Variants in DLG2 observed in about 807,000 individuals in gnomAD.
The protein encoded by DLG2 is discs large MAGUK scaffold protein 2.
DLG2 carries 45 observed loss-of-function variants against 132.5 expected under a neutral mutation model. The ratio of observed to expected loss-of-function variants is 0.34; its 90% CI spans 0.27 to 0.44. DLG2 has a LOEUF of 0.44. Ranked by LOEUF, DLG2 falls within the 20% of genes least tolerant of loss-of-function variation. The pLI is 1.00. For missense variants in DLG2, 1,045 were observed against 1,196.9 expected, an observed-to-expected ratio of 0.87 and a Z score of 1.87; for synonymous variants, 424 against 419.6, an observed-to-expected ratio of 1.01 and a Z score of -0.13.
intron 6 of DLG2, among the ~76,000 whole-genome samples, chr11:84,983,579 A>C (rs1024768418): frequency 3.9e-5 from 6 of 152,192 alleles, no homozygotes; most frequent in Non-Finnish European, 8.8e-5. Context: ...GATATGAAAA[A>C]ACAAGGTTCT....
At chr11:84,754,472 T>G (rs1049851765) in intron 6 of DLG2, among the ~76,000 whole-genome samples, 1 of 152,060 alleles carries the variant, frequency 6.6e-6, no homozygotes, top group African/African-American at 2.4e-5. Context: ...CAATTATATA[T>G]TGTGCATTGG....
chr11:85,001,308 C>G (rs377288375), intron 6 of DLG2, among the ~76,000 whole-genome samples: 1 of 152,018 alleles, frequency 6.6e-6, no homozygotes, highest in Non-Finnish European at 1.5e-5. Flanking sequence ...ATGTTGCCCA[C>G]ACTGGTTTTG....
intron 17 of DLG2, among the ~76,000 whole-genome samples, chr11:83,797,245 A>AGAT (rs1163361692): frequency 7.8e-4 from 118 of 150,906 alleles, no homozygotes; most frequent in South Asian, 2.3e-3. Flanking sequence ...AAGAAGAAGA[A>AGAT]GATGATGATG....
intron 3 of DLG2, among the ~76,000 whole-genome samples, chr11:85,542,493 A>G (rs2076034857): frequency 6.6e-6 from 1 of 152,210 alleles, no homozygotes; most frequent in African/African-American, 2.4e-5. Flanking sequence ...ATTTAGGAGT[A>G]AGGCTTCATC....
intron 6 of DLG2, among the ~76,000 whole-genome samples, chr11:85,107,855 AC>A (rs1179333076): frequency 6.7e-6 from 1 of 149,164 alleles, no homozygotes; most frequent in Non-Finnish European, 1.5e-5. Context: ...TAAATAATTA[AC>A]GGGGAGTATA....
intron 18 of DLG2, among the ~76,000 whole-genome samples, chr11:83,657,534 C>CTTTTTTTTT (rs540422330): frequency 3.7e-4 from 35 of 93,378 alleles, no homozygotes; most frequent in African/African-American, 6.5e-4. Context: ...ATTGTCTATT[C>CTTTTTTTTT]TTTTTTTTTT....
intron 3 of DLG2, among the ~76,000 whole-genome samples, chr11:85,447,401 T>A (rs967128772): frequency 1.3e-5 from 2 of 152,078 alleles, no homozygotes; most frequent in Non-Finnish European, 2.9e-5. Flanking sequence ...AATGAGGTAA[T>A]TAGGGTGGAA....
At chr11:84,069,167 G>A (rs991741052) in intron 10 of DLG2, among the ~76,000 whole-genome samples, 8 of 152,150 alleles carry the variant, frequency 5.3e-5, no homozygotes, top group East Asian at 1.9e-4. Flanking sequence ...TTTCTAACAC[G>A]TTCCTAGGTG....
intron 18 of DLG2, among the ~76,000 whole-genome samples, chr11:83,693,419 A>G (rs2081327266): frequency 1.3e-5 from 2 of 152,132 alleles, no homozygotes; most frequent in Non-Finnish European, 2.9e-5. Context: ...GGAAGGGCCA[A>G]ATGAACAGCA....
chr11:84,248,071 T>C (rs1263604501), intron 8 of DLG2, among the ~76,000 whole-genome samples: 1 of 152,028 alleles, frequency 6.6e-6, no homozygotes. Context: ...GAAAACAAAG[T>C]ATAGAACACT....
intron 2 of DLG2, among the ~76,000 whole-genome samples, chr11:85,622,717 G>A (rs1301548181): frequency 6.6e-6 from 1 of 151,966 alleles, no homozygotes; most frequent in Non-Finnish European, 1.5e-5. Flanking sequence ...CCAGGAAACT[G>A]TAATCTCAGT....
chr11:83,488,139 T>G (rs1424911998), intron 21 of DLG2, among the ~76,000 whole-genome samples: 1 of 152,036 alleles, frequency 6.6e-6, no homozygotes, highest in African/African-American at 2.4e-5. Flanking sequence ...TAGTATGGAC[T>G]GAGAAGAAAC....
rs60170305 is a variant in DLG2, at chr11:84,527,893, T to TTCTCTCTCTCTC, written c.519+6665_519+6676dup. On this transcript the variant is annotated intron_variant, in intron 7 of 27. Transcript: ENST00000376104. ...GAGGACAGCAGTTAACTCCCTCCCT[T>TTCTCTCTCTCTC]TCTCTCTCTCTCTCTCTCTCTCTCT... 1.9e-3 allele frequency among the ~76,000 whole-genome samples: 244 copies of TTCTCTCTCTCTC among 125,660 alleles called. 11 individuals are homozygous for TTCTCTCTCTCTC. Among genetic ancestry groups the TTCTCTCTCTCTC allele is most frequent in the East Asian group, 8.1e-3 (32 of 3,944 alleles). The allele number at this position is 125,660 out of a possible 152,430, so 82.4% of individuals were successfully genotyped here.
At chr11:85,305,209 C>T (rs150392128) in intron 3 of DLG2, among the ~76,000 whole-genome samples, 2 of 152,306 alleles carry the variant, frequency 1.3e-5, no homozygotes, top group South Asian at 2.1e-4. Context: ...GAATAAAGAG[C>T]GGTACTCTTT....
intron 3 of DLG2, among the ~76,000 whole-genome samples, chr11:85,437,699 A>G (rs550930926): frequency 1.2e-3 from 180 of 152,330 alleles, no homozygotes; most frequent in Non-Finnish European, 1.9e-3. Context: ...TTGTTTTTTA[A>G]CTAGTGCCAA....
At chr11:85,479,202 A>C (rs1445075774) in intron 3 of DLG2, among the ~76,000 whole-genome samples, 1 of 152,240 alleles carries the variant, frequency 6.6e-6, no homozygotes, top group Admixed American at 6.5e-5. Context: ...ACTCTGACTT[A>C]TGAACAATAA....
chr11:85,001,636 G>C (rs1006298990), intron 6 of DLG2, among the ~76,000 whole-genome samples: 17 of 152,086 alleles, frequency 1.1e-4, no homozygotes, highest in Non-Finnish European at 2.1e-4. Flanking sequence ...AGAGCACAGA[G>C]GATTTTTTAA....
intron 14 of DLG2, among the ~76,000 whole-genome samples, chr11:83,942,769 G>C (rs1471588668): frequency 6.6e-6 from 1 of 152,142 alleles, no homozygotes; most frequent in Non-Finnish European, 1.5e-5. Flanking sequence ...TACCCCATAA[G>C]GGGATAGATC....
chr11:84,639,959 T>G (rs939712490), intron 6 of DLG2: 10 of 197,428 alleles, frequency 5.1e-5, no homozygotes, highest in African/African-American at 2.2e-4. Context: ...ATTCTAAAAT[T>G]TTTGCTTCAC....
Sources: allele counts gnomAD v4.1 joint callset (sites outside exome capture counted in the v4.1 genomes callset), GRCh38; gene constraint gnomAD v4.1.1; transcripts MANE v1.5; gene names NCBI Gene and HGNC (gene_info 2026-07-23, HGNC 2026-07-21).